POU2AF2: variants seen among roughly 807,000 people sequenced by gnomAD.
The protein encoded by POU2AF2 is POU domain class 2-associating factor 2.
At chr11:111,266,085 G>A in the POU2AF2 span, among the ~76,000 whole-genome samples, 98 of 151,520 alleles carry the variant, frequency 6.5e-4, no homozygotes, top group Non-Finnish European at 1.0e-3. Flanking sequence ...TATCCATCAC[G>A]AACTGCCAAT....
the POU2AF2 span, among the ~76,000 whole-genome samples, chr11:111,262,565 C>G: frequency 6.6e-6 from 1 of 152,216 alleles, no homozygotes; most frequent in African/African-American, 2.4e-5. Flanking sequence ...GCTGCATATT[C>G]TATCATCTCA....
the POU2AF2 span, among the ~76,000 whole-genome samples, chr11:111,282,010 G>A: frequency 1.3e-5 from 2 of 152,080 alleles, no homozygotes; most frequent in Admixed American, 1.3e-4. Context: ...AGGAATAAGA[G>A]CAATCGAGGA....
At chr11:111,247,878 CT>C in the POU2AF2 span, among the ~76,000 whole-genome samples, 2,415 of 114,962 alleles carry the variant, frequency 0.021, 41 homozygotes, top group African/African-American at 0.051. Context: ...TATAAGTGGC[CT>C]TTTTTTTTTT....
the POU2AF2 span, among the ~76,000 whole-genome samples, chr11:111,264,938 G>C: frequency 9.9e-5 from 14 of 141,188 alleles, no homozygotes; most frequent in Middle Eastern, 3.7e-3. Flanking sequence ...GAAAGAAAGA[G>C]GGAGGGAGGG....
At chr11:111,263,122 G>A in the POU2AF2 span, among the ~76,000 whole-genome samples, 1 of 152,068 alleles carries the variant, frequency 6.6e-6, no homozygotes, top group Non-Finnish European at 1.5e-5. Context: ...TTGTATGTTG[G>A]ATGTCTAGAC....
chr11:111,268,811 G>A, the POU2AF2 span, among the ~76,000 whole-genome samples: 7 of 151,958 alleles, frequency 4.6e-5, no homozygotes, highest in African/African-American at 1.7e-4. Flanking sequence ...GGTTCCCAAA[G>A]TGCCGGGATT....
chr11:111,285,732 C>T, the POU2AF2 span: 33 of 1,613,540 alleles, frequency 2.0e-5, no homozygotes, highest in Non-Finnish European at 2.7e-5. Context: ...CTGACCTTGC[C>T]ACCCAGCACG....
chr11:111,284,845 C>T, the POU2AF2 span, among the ~76,000 whole-genome samples: 1 of 152,116 alleles, frequency 6.6e-6, no homozygotes, highest in East Asian at 1.9e-4. Context: ...CATTTTTAGC[C>T]TAAAAATCCT....
the POU2AF2 span, among the ~76,000 whole-genome samples, chr11:111,269,871 T>A: frequency 6.6e-6 from 1 of 152,160 alleles, no homozygotes; most frequent in East Asian, 1.9e-4. Flanking sequence ...TATCTGAAAA[T>A]GGGAATTCTG....
chr11:111,262,372 G>T, the POU2AF2 span, among the ~76,000 whole-genome samples: 3 of 152,114 alleles, frequency 2.0e-5, no homozygotes, highest in Non-Finnish European at 4.4e-5. Context: ...CCCTAAAACC[G>T]CCTGTCCTTC....
At chr11:111,250,013 C>T in the POU2AF2 span, among the ~76,000 whole-genome samples, 1 of 152,166 alleles carries the variant, frequency 6.6e-6, no homozygotes, top group African/African-American at 2.4e-5. Context: ...CAGTTTTTAC[C>T]AGGTCCAGGT....
the POU2AF2 span, among the ~76,000 whole-genome samples, chr11:111,265,323 C>G: frequency 3.0e-4 from 45 of 152,314 alleles, no homozygotes; most frequent in African/African-American, 1.1e-3. Flanking sequence ...TGCACTGTCA[C>G]TTCTTGTTTT....
the POU2AF2 span, among the ~76,000 whole-genome samples, chr11:111,274,134 G>A: frequency 6.6e-6 from 1 of 152,082 alleles, no homozygotes; most frequent in Non-Finnish European, 1.5e-5. Flanking sequence ...CCCTGGCTTA[G>A]GCTTTTCTCT....
chr11:111,284,174 TC>T, the POU2AF2 span: 1 of 1,614,184 alleles, frequency 6.2e-7, no homozygotes. Context: ...CGTCTACACC[TC>T]CAGCGTGGGG....
the POU2AF2 span, among the ~76,000 whole-genome samples, chr11:111,246,587 A>G: frequency 2.0e-5 from 3 of 152,340 alleles, no homozygotes; most frequent in East Asian, 1.9e-4. Context: ...AAATGCTGCA[A>G]TTCTTCAAAG....
the POU2AF2 span, among the ~76,000 whole-genome samples, chr11:111,274,608 G>A: frequency 4.0e-5 from 6 of 151,068 alleles, no homozygotes; most frequent in African/African-American, 1.5e-4. Context: ...CAGATAGACA[G>A]ACAGACAGAC....
chr11:111,278,216 A>G, the POU2AF2 span, among the ~76,000 whole-genome samples: 2 of 152,190 alleles, frequency 1.3e-5, no homozygotes, highest in Non-Finnish European at 2.9e-5. Context: ...TAATAATCTC[A>G]TTTAATCTTC....
chr11:111,273,016 ATAGAG>A, the POU2AF2 span, among the ~76,000 whole-genome samples: 3 of 152,210 alleles, frequency 2.0e-5, no homozygotes, highest in South Asian at 6.2e-4. Flanking sequence ...TATATTCATT[ATAGAG>A]TATTTTTCTT....
the POU2AF2 span, chr11:111,286,177 A>G: frequency 9.9e-6 from 11 of 1,106,780 alleles, no homozygotes; most frequent in Non-Finnish European, 1.4e-5. Flanking sequence ...GCTCTTTGTT[A>G]GTGGACGAGG....
Sources: gnomAD v4.1 joint callset for allele counts (sites outside exome capture counted in the v4.1 genomes callset) on GRCh38, gnomAD v4.1.1 for gene constraint, MANE v1.5 for transcripts, NCBI Gene and HGNC (gene_info 2026-07-23, HGNC 2026-07-21) for gene names.